Variants in RALGAPA2 observed in about 807,000 individuals in gnomAD.
The protein encoded by RALGAPA2 is ral GTPase-activating protein subunit alpha-2.
A neutral mutation model predicts 230.4 loss-of-function variants in RALGAPA2; 139 were observed. The observed-to-expected ratio is 0.60, with a 90% CI of 0.53 to 0.69. The LOEUF is 0.69. Ranked by LOEUF, RALGAPA2 falls within the 30% of genes least tolerant of loss-of-function variation. The pLI is 0.00. For missense variants in RALGAPA2, 2,163 were observed against 2,276.0 expected, an observed-to-expected ratio of 0.95 and a Z score of 1.01; for synonymous variants, 847 against 837.8, an observed-to-expected ratio of 1.01 and a Z score of -0.19.
rs1602427826 is a variant in RALGAPA2, at chr20:20,458,770, AGACC to A, written c.5495+14055_5495+14058del. On this transcript the variant is annotated intron_variant, in intron 37 of 39. Transcript: ENST00000202677. ...TATACATACACACCTATATATATAT[AGACC>A]TATATATATATAGACCTATATATAT... Among the ~76,000 whole-genome samples, 3 of 138,880 alleles carry A rather than the reference AGACC, an allele frequency of 2.2e-5. No homozygotes were observed. The East Asian group carries it at 6.0e-4, about 28-fold the overall frequency. 91.1% of individuals were successfully genotyped at this position (138,880 alleles called of 152,430 possible). A position where few individuals can be genotyped will look rare whatever the true frequency, so the allele number is the denominator to read the frequency against.
rs2059610707 is a variant in RALGAPA2, at chr20:20,391,957, C to T, written c.*1332G>A. 6.6e-6 allele frequency: 1 copy of T among 152,486 alleles called. No individual in the cohort carries two copies. The highest frequency in any genetic ancestry group is 2.4e-5 in the African/African-American group (1 of 41,472). The allele number at this position is 152,486 out of a possible 1,614,324, so 9.4% of individuals were successfully genotyped here. On this transcript the variant is annotated 3_prime_UTR_variant, in exon 40 of 40. Transcript: ENST00000202677. ...ACAAAGCCTGCGCAGTGGCGATGGA[C>T]TCTGGTAAGCTTCTTGGATTTACTT...
intron 21 of RALGAPA2, 56 bp from the exon 22 acceptor site, chr20:20,572,002 T>G (rs1295919130): frequency 1.7e-6 from 2 of 1,207,370 alleles, no homozygotes; most frequent in Non-Finnish European, 2.4e-6. Flanking sequence ...ATCCCAACAG[T>G]ATTTCAACAG....
chr20:20,634,783 C>T (rs549211655), intron 9 of RALGAPA2, among the ~76,000 whole-genome samples: 27 of 152,330 alleles, frequency 1.8e-4, no homozygotes, highest in African/African-American at 6.3e-4. Flanking sequence ...TAGTGCTCCA[C>T]CAAGTCCCTA....
intron 20 of RALGAPA2, among the ~76,000 whole-genome samples, chr20:20,578,553 T>C (rs1392149432): frequency 6.6e-6 from 1 of 152,154 alleles, no homozygotes; most frequent in East Asian, 1.9e-4. Flanking sequence ...TTTGCAAATA[T>C]AGAAAGGATT....
At position 20,491,919 on chromosome 20, in the gene RALGAPA2, A is replaced by G. The variant is rs1395487952; in HGVS notation, c.5367+3198T>C. Among the ~76,000 whole-genome samples the G allele has an allele frequency of 3.3e-5, 5 of 152,280 alleles. No individual in the cohort carries two copies. In the South Asian group the frequency reaches 1.0e-3, roughly 32 times the overall value. On this transcript the variant is annotated intron_variant, in intron 36 of 39. Transcript: ENST00000202677. The stretch of plus-strand genomic sequence containing the variant: ...AGATGAGAGGGTTTTATGCGTTCAC[A>G]CAAGCACACCCACACTTCTTCAACA...
rs373872047 is a variant in RALGAPA2, at chr20:20,639,057, A to G, written c.666+728T>C. Among the ~76,000 whole-genome samples the G allele has an allele frequency of 3.9e-5, 6 of 152,136 alleles. No homozygotes were observed. In the East Asian group the frequency reaches 5.8e-4, roughly 15 times the overall value. ...TGAAGTGTGCCCTCCTTCTGGGCTG[A>G]CCCTAGAACCCTTGTGGTTTGGGGC... On this transcript the variant is annotated intron_variant, in intron 7 of 39. Transcript: ENST00000202677.
chr20:20,598,767 A>C, intron 16 of RALGAPA2: 1 of 456,610 alleles, frequency 2.2e-6, no homozygotes, highest in Non-Finnish European at 4.4e-6. Context: ...TTTTAGTGGC[A>C]GGCAAAGCCT....
In RALGAPA2 at chr20:20,616,048, C is replaced by G; in HGVS notation, c.1683G>C (p.Lys561Asn). The change falls in exon 13 of 40, where the codon AAG (lysine) becomes AAC (asparagine). Residue 561 changes from lysine (K) to asparagine (N), a missense_variant. By Grantham distance (94) the Lys-to-Asn change is moderately conservative. Transcript: ENST00000202677. ...RMIMELTMNK[K>N]TWEQMLQILL... is the part of the protein sequence containing the mutation. ...TTAATTTGATATAAACTTACCATGT[C>G]TTTTTATTCATTGTAAGCTCCATTA... The G allele has an allele frequency of 6.7e-7, 1 of 1,500,630 alleles. No individual in the cohort carries two copies. Among genetic ancestry groups the G allele is most frequent in the Non-Finnish European group, 8.9e-7 (1 of 1,124,516 alleles). 93.0% of individuals were successfully genotyped at this position (1,500,630 alleles called of 1,614,324 possible). A position where few individuals can be genotyped will look rare whatever the true frequency, so the allele number is the denominator to read the frequency against.
chr20:20,712,076 G>T lies in RALGAPA2; in HGVS notation c.106+299C>A, dbSNP rs1162237847. 2.0e-5 allele frequency among the ~76,000 whole-genome samples: 3 copies of T among 152,092 alleles called. No homozygotes were observed. The highest frequency in any genetic ancestry group is 4.4e-5 in the Non-Finnish European group (3 of 68,006). On this transcript the variant is annotated intron_variant, in intron 1 of 39. Transcript: ENST00000202677. The surrounding 1 kb of genome is among the most constrained non-coding windows in gnomAD (Gnocchi z 5.5). ...CACTTGGGATCCAGTTCACTTGCTG[G>T]GAGGACAGGGGACAGGTACCTCTGT...
In RALGAPA2 at chr20:20,571,610, C is replaced by T. The variant is rs1568593491; in HGVS notation, c.3004G>A (p.Ala1002Thr). 2 of 1,608,538 alleles carry T rather than the reference C, an allele frequency of 1.2e-6. No homozygotes were observed. The highest frequency in any genetic ancestry group is 8.5e-7 in the Non-Finnish European group (1 of 1,177,548). Residue 1002 changes from alanine (A) to threonine (T), a missense_variant, in exon 23 of 40, where the codon GCG becomes ACG. Coordinates refer to ENST00000202677, the MANE Select transcript of RALGAPA2 (RefSeq NM_020343.4). ...TCCTTATATTCATTTGGCAGTGTCGCCGCCTGTCAAGGAGATGATGTTTCC... is the reference window on the plus strand; with the variant it reads ...TCCTTATATTCATTTGGCAGTGTCGTCGCCTGTCAAGGAGATGATGTTTCC... ...RMFASWLFKAATLPNEYKEGK... is the reference protein window; with the variant it reads ...RMFASWLFKATTLPNEYKEGK...
intron 33 of RALGAPA2, among the ~76,000 whole-genome samples, chr20:20,508,383 G>T (rs1287683986): frequency 1.3e-5 from 2 of 152,156 alleles, no homozygotes; most frequent in African/African-American, 4.8e-5. Flanking sequence ...TCATTAGAAT[G>T]CACTGTTCTT....
In RALGAPA2 at chr20:20,652,757, G is replaced by A. The variant is rs1304321480; in HGVS notation, c.328+773C>T. ...CTCCAGCTGTGCTGTGTATATTCAA[G>A]TGGGATGAGATGTTAGAGGTTAAAA... On this transcript the variant is annotated intron_variant, in intron 4 of 39. Transcript: ENST00000202677. Among the ~76,000 whole-genome samples the A allele has an allele frequency of 2.0e-5, 3 of 152,216 alleles. No individual in the cohort carries two copies. In the South Asian group the frequency reaches 6.2e-4, roughly 32 times the overall value.
intron 1 of RALGAPA2, among the ~76,000 whole-genome samples, chr20:20,709,450 T>C (rs954380812): frequency 1.3e-5 from 2 of 152,152 alleles, no homozygotes; most frequent in Non-Finnish European, 2.9e-5. Flanking sequence ...AAGGTCAAAC[T>C]ACTGTACTCC....
rs2065661740 is a variant in RALGAPA2, at chr20:20,601,785, C to A, written c.2100G>T (p.Arg700=). ...TVGRSFSLSW[R]SHPDVTEPMR... Reference sequence around the variant, plus strand: ...TCGGTTCGGTCACATCTGGGTGGCTCCGCCAGCTGAGAGAAAAGGACCTCC... The same window carrying A: ...TCGGTTCGGTCACATCTGGGTGGCTACGCCAGCTGAGAGAAAAGGACCTCC... Residue 700 remains arginine (R), a synonymous_variant, in exon 16 of 40, where the codon CGG becomes CGT. Transcript: ENST00000202677. The A allele has an allele frequency of 6.2e-7, 1 of 1,613,438 alleles. No homozygotes were observed. Among genetic ancestry groups the A allele is most frequent in the East Asian group, 2.2e-5 (1 of 44,820 alleles).
chr20:20,597,986 C>A (rs2065513063), intron 16 of RALGAPA2, among the ~76,000 whole-genome samples: 1 of 152,004 alleles, frequency 6.6e-6, no homozygotes, highest in Non-Finnish European at 1.5e-5. Flanking sequence ...AGACATAGGC[C>A]TAATTATTCA....
At chr20:20,649,907 A>G (rs894828842) in intron 4 of RALGAPA2, among the ~76,000 whole-genome samples, 2 of 152,220 alleles carry the variant, frequency 1.3e-5, no homozygotes, top group Non-Finnish European at 2.9e-5. Flanking sequence ...TGAGATGTCA[A>G]GCAGTCACCT....
chr20:20,499,416 A>G (rs1197324727), intron 35 of RALGAPA2, among the ~76,000 whole-genome samples: 1 of 152,226 alleles, frequency 6.6e-6, no homozygotes, highest in Non-Finnish European at 1.5e-5. Flanking sequence ...ATTCTCAGTC[A>G]TAAGAAAATT....
chr20:20,512,672 C>A lies in RALGAPA2; in HGVS notation c.4697G>T (p.Arg1566Leu). The A allele has an allele frequency of 6.2e-7, 1 of 1,613,938 alleles. No individual in the cohort carries two copies. Among genetic ancestry groups the A allele is most frequent in the Non-Finnish European group, 8.5e-7 (1 of 1,179,874 alleles). Residue 1566 changes from arginine (R) to leucine (L), a missense_variant, in exon 32 of 40, where the codon CGC becomes CTC. Transcript: ENST00000202677. ...QEKEIIEVIL[R>L]QNAQEDEYIQ... Reference sequence around the variant, plus strand: ...ATACTCATCCTCTTGAGCATTTTGGCGCAAAATGACCTCAATGATTTCCTT... The same window carrying A: ...ATACTCATCCTCTTGAGCATTTTGGAGCAAAATGACCTCAATGATTTCCTT...
intron 37 of RALGAPA2, among the ~76,000 whole-genome samples, chr20:20,444,286 T>A (rs1258996707): frequency 6.6e-6 from 1 of 152,214 alleles, no homozygotes; most frequent in Non-Finnish European, 1.5e-5. Flanking sequence ...TTTATTTTAA[T>A]ACAAAAATGT....
Sources: gnomAD v4.1 joint callset for allele counts (sites outside exome capture counted in the v4.1 genomes callset) on GRCh38, gnomAD v4.1.1 for gene constraint, Gnocchi (gnomAD v3.1) non-coding constraint, MANE v1.5 for transcripts, NCBI Gene and HGNC (gene_info 2026-07-23, HGNC 2026-07-21) for gene names.